The following SLC30A4 variants were observed in gnomAD, a reference collection of about 807,000 sequenced individuals.
The protein encoded by SLC30A4 is solute carrier family 30 member 4.
Under a neutral mutation model 41.7 loss-of-function variants are expected in SLC30A4, and 20 were observed. The observed-to-expected ratio is 0.48, with a 90% CI of 0.34 to 0.70. The LOEUF is 0.70. Among genes scored for constraint, SLC30A4 ranks in the 30% least tolerant of loss-of-function variants. The probability of loss-of-function intolerance (pLI) is 0.01; values close to 1 mark genes in which losing one functional copy is unlikely to be tolerated. For synonymous variants in SLC30A4, 181 were observed against 195.9 expected, an observed-to-expected ratio of 0.92 and a Z score of 0.64; for missense variants, 441 against 529.3, an observed-to-expected ratio of 0.83 and a Z score of 1.64.
chr15:45,518,656 G>A (rs893781403), intron 2 of SLC30A4, among the ~76,000 whole-genome samples: 1 of 151,924 alleles, frequency 6.6e-6, no homozygotes, highest in Non-Finnish European at 1.5e-5. Context: ...TCCACCCCCT[G>A]GGCTCAACCG....
intron 3 of SLC30A4, among the ~76,000 whole-genome samples, chr15:45,505,871 T>A (rs62025213): frequency 2.8e-4 from 42 of 152,250 alleles, no homozygotes; most frequent in Non-Finnish European, 5.3e-4. Flanking sequence ...AAGACTTCTC[T>A]GTGTTTTCTT....
At chr15:45,491,325 G>A (rs1428576347) in intron 3 of SLC30A4, among the ~76,000 whole-genome samples, 3 of 152,168 alleles carry the variant, frequency 2.0e-5, no homozygotes, top group Non-Finnish European at 4.4e-5. Context: ...GTCAAATTAT[G>A]TATATTTACA....
At chr15:45,498,499 G>A (rs1259122969) in intron 3 of SLC30A4, among the ~76,000 whole-genome samples, 1 of 152,042 alleles carries the variant, frequency 6.6e-6, no homozygotes, top group Non-Finnish European at 1.5e-5. Context: ...ATTTTCAGTG[G>A]CCCACTGTCA....
intron 4 of SLC30A4, among the ~76,000 whole-genome samples, chr15:45,490,200 T>C (rs925187863): frequency 1.2e-4 from 18 of 152,162 alleles, no homozygotes; most frequent in Non-Finnish European, 1.8e-4. Context: ...CAAGTGACCT[T>C]CCCACTTTAG....
chr15:45,500,089 A>C (rs1033775585), intron 3 of SLC30A4, among the ~76,000 whole-genome samples: 1 of 152,214 alleles, frequency 6.6e-6, no homozygotes, highest in East Asian at 1.9e-4. Context: ...ATCAGAGTGA[A>C]TCATCTTTTT....
At chr15:45,494,849 C>A (rs1197960718) in intron 3 of SLC30A4, among the ~76,000 whole-genome samples, 1 of 151,918 alleles carries the variant, frequency 6.6e-6, no homozygotes, top group Non-Finnish European at 1.5e-5. Flanking sequence ...TTTAAGGTGC[C>A]CTAATCAAAA....
At chr15:45,496,137 A>C (rs989056550) in intron 3 of SLC30A4, among the ~76,000 whole-genome samples, 3 of 152,242 alleles carry the variant, frequency 2.0e-5, no homozygotes, top group African/African-American at 7.2e-5. Flanking sequence ...TCTAACTAAA[A>C]ATTCTAAGAG....
Position 45,481,989 on chromosome 15 carries a change from G to A in SLC30A4, c.*3174C>T, listed in dbSNP as rs1891607961. On this transcript the variant is annotated 3_prime_UTR_variant, in exon 8 of 8. Coordinates refer to ENST00000261867, the MANE Select transcript of SLC30A4 (RefSeq NM_013309.6). ...TAATCTCAGCACTTTGGGAGCCCGA[G>A]GTGGAAGGATTTCTTGAGCCCAGGA... The A allele has an allele frequency of 6.7e-6, 1 of 149,438 alleles. No individual in the cohort carries two copies. Among genetic ancestry groups the A allele is most frequent in the East Asian group, 2.0e-4 (1 of 5,102 alleles). 9.3% of individuals were successfully genotyped at this position (149,438 alleles called of 1,614,324 possible). A position where few individuals can be genotyped will look rare whatever the true frequency, so the allele number is the denominator to read the frequency against.
intron 3 of SLC30A4, among the ~76,000 whole-genome samples, chr15:45,492,212 C>CAA (rs1163243140): frequency 5.4e-4 from 37 of 67,964 alleles, no homozygotes; most frequent in Admixed American, 3.6e-4. Context: ...CTGTAGCATC[C>CAA]AAAAAAAAAA....
intron 2 of SLC30A4, among the ~76,000 whole-genome samples, chr15:45,515,046 A>T (rs1333240052): frequency 7.0e-6 from 1 of 143,378 alleles, no homozygotes; most frequent in African/African-American, 2.5e-5. Context: ...CACCTTGCTA[A>T]TTTTTTTTTT....
In SLC30A4 at chr15:45,485,151, A is replaced by G; in HGVS notation, c.*12T>C. 1 of 1,607,062 alleles carries G rather than the reference A, an allele frequency of 6.2e-7. No individual in the cohort carries two copies. Among genetic ancestry groups the G allele is most frequent in the Non-Finnish European group, 8.5e-7 (1 of 1,177,612 alleles). On this transcript the variant is annotated 3_prime_UTR_variant, in exon 8 of 8. Coordinates refer to ENST00000261867, the MANE Select transcript of SLC30A4 (RefSeq NM_013309.6). ...AGGATAAATAAGGCAGGAGTTCCCA[A>G]AATACATAAAATTAGGGACTAGAAC...
intron 2 of SLC30A4, 154 bp downstream of exon 2, chr15:45,521,810 T>G: frequency 1.4e-6 from 1 of 706,028 alleles, no homozygotes; most frequent in East Asian, 2.7e-5. Flanking sequence ...TGAGCTGCAC[T>G]TTGGAACCGT....
At chr15:45,486,996 C>T (rs774452196) in intron 6 of SLC30A4, among the ~76,000 whole-genome samples, 49 of 150,000 alleles carry the variant, frequency 3.3e-4, no homozygotes, top group Admixed American at 1.3e-3. Context: ...GCCAATCAAA[C>T]CAGAATACTT....
intron 3 of SLC30A4, among the ~76,000 whole-genome samples, chr15:45,491,467 G>A (rs1374223987): frequency 1.3e-5 from 2 of 152,204 alleles, no homozygotes; most frequent in African/African-American, 2.4e-5. Context: ...GCTCATGCCT[G>A]TAATCCTCCA....
At chr15:45,488,773 C>T in intron 5 of SLC30A4, 68 bp downstream of exon 5, 1 of 1,250,944 alleles carries the variant, frequency 8.0e-7, no homozygotes, top group South Asian at 1.3e-5. Flanking sequence ...ACTGATATGA[C>T]AATCAGCCTT....
chr15:45,511,751 G>A (rs1237106573), intron 2 of SLC30A4, among the ~76,000 whole-genome samples: 2 of 152,202 alleles, frequency 1.3e-5, no homozygotes, highest in Non-Finnish European at 2.9e-5. Flanking sequence ...TGCAAGTGTT[G>A]GGATTATAGG....
In SLC30A4 at chr15:45,522,253, C is replaced by T. The variant is rs1892695544; in HGVS notation, c.102G>A (p.Glu34=). 6.2e-7 allele frequency: 1 copy of T among 1,614,104 alleles called. No individual in the cohort carries two copies. The highest frequency in any genetic ancestry group is 1.7e-5 in the Admixed American group (1 of 60,008). Residue 34 remains glutamate (E), a synonymous_variant, in exon 2 of 8, where the codon GAG becomes GAA. Coordinates refer to ENST00000261867, the MANE Select transcript of SLC30A4 (RefSeq NM_013309.6). ...NDTSAFDFSD[E]AGDEGLSRFN... is the part of the protein sequence containing the mutation. ...ACCGAGAAAGCCCCTCGTCCCCCGCCTCATCCGAGAAGTCAAAGGCGCTGG... is the reference window on the plus strand; with the variant it reads ...ACCGAGAAAGCCCCTCGTCCCCCGCTTCATCCGAGAAGTCAAAGGCGCTGG...
At chr15:45,500,202 T>C (rs555198942) in intron 3 of SLC30A4, among the ~76,000 whole-genome samples, 15 of 152,152 alleles carry the variant, frequency 9.9e-5, no homozygotes, top group African/African-American at 1.9e-4. Context: ...TAAGATGATA[T>C]ACAGGCAGGT....
Position 45,489,094 on chromosome 15 carries a change from A to G in SLC30A4, c.693-52T>C, listed in dbSNP as rs1891760517. The G allele has an allele frequency of 3.9e-6, 5 of 1,282,054 alleles. No individual in the cohort carries two copies. The East Asian group carries it at 9.8e-5, about 25-fold the overall frequency. 79.4% of individuals were successfully genotyped at this position (1,282,054 alleles called of 1,614,324 possible). ...TATTTTTCCCAATATTGACAAAAAC[A>G]TTTGTCACTAGTCAGACACTAATGA... is the stretch of plus-strand genomic sequence containing the variant. On this transcript the variant is annotated intron_variant, in intron 4 of 7. Transcript: ENST00000261867.
Sources: gnomAD v4.1 joint callset for allele counts (sites outside exome capture counted in the v4.1 genomes callset) on GRCh38, gnomAD v4.1.1 for gene constraint, MANE v1.5 for transcripts, NCBI Gene and HGNC (gene_info 2026-07-23, HGNC 2026-07-21) for gene names.